The following DLGAP5 variants were observed in gnomAD, a reference collection of about 807,000 sequenced individuals.
DLGAP5 encodes disks large-associated protein 5.
In DLGAP5, 90 loss-of-function variants were observed where a neutral mutation model predicts 99.6. That is an observed-to-expected ratio of 0.90 (90% CI 0.76 to 1.08). The LOEUF (loss-of-function observed/expected upper bound fraction) is 1.08. DLGAP5 is among the 50% of genes least tolerant of loss of function. The pLI, the probability that DLGAP5 is intolerant of heterozygous loss-of-function variation, is 0.00. For missense variants in DLGAP5, 1,036 were observed against 983.5 expected (o/e 1.05, Z -0.71); for synonymous variants, 311 against 321.3 (o/e 0.97, Z 0.34).
intron 10 of DLGAP5, among the ~76,000 whole-genome samples, chr14:55,171,019 T>C (rs544050720): frequency 6.6e-6 from 1 of 152,234 alleles, no homozygotes; most frequent in East Asian, 1.9e-4. Context: ...GGCTGGATAA[T>C]ACCAAGAACC....
chr14:55,168,262 T>C (rs1177180502), intron 12 of DLGAP5, among the ~76,000 whole-genome samples: 3 of 152,222 alleles, frequency 2.0e-5, no homozygotes, highest in Non-Finnish European at 2.9e-5. Context: ...TGAGATTTCC[T>C]TAACTTCATA....
At chr14:55,177,818 G>C (rs959146655) in intron 7 of DLGAP5, among the ~76,000 whole-genome samples, 1 of 151,268 alleles carries the variant, frequency 6.6e-6, no homozygotes, top group Non-Finnish European at 1.5e-5. Context: ...ATTACAGGCG[G>C]GAGCCACCGC....
intron 8 of DLGAP5, among the ~76,000 whole-genome samples, chr14:55,176,477 T>C (rs1360332124): frequency 6.6e-6 from 1 of 152,180 alleles, no homozygotes; most frequent in Non-Finnish European, 1.5e-5. Flanking sequence ...TTTTCTTCTT[T>C]TGAAAAATGT....
chr14:55,178,624 G>T (rs912900912), intron 7 of DLGAP5, among the ~76,000 whole-genome samples: 2 of 152,210 alleles, frequency 1.3e-5, no homozygotes, highest in African/African-American at 4.8e-5. Flanking sequence ...TTAATCTTAA[G>T]GGGGGACCTA....
Position 55,170,775 on chromosome 14 carries a change from C to G in DLGAP5, c.1314G>C (p.Gln438His), listed in dbSNP as rs758769763. The G allele has an allele frequency of 6.2e-7, 1 of 1,613,450 alleles. No homozygotes were observed. The highest frequency in any genetic ancestry group is 1.1e-5 in the South Asian group (1 of 91,052). The change falls in exon 11 of 19, where the codon CAG (glutamine) becomes CAC (histidine). Residue 438 changes from glutamine (Q) to histidine (H), a missense_variant. Transcript: ENST00000247191. ...GTGAAGTTAATTTCTCAGTTTCTGA[C>G]TGGAGGATATTTCTAAAATTATGAC... is the stretch of plus-strand genomic sequence containing the variant. ...HGVPYFRNILQSETEKLTSHC... is the reference protein window; with the variant it reads ...HGVPYFRNILHSETEKLTSHC...
At chr14:55,148,562 A>C (rs1881902584) in intron 18 of DLGAP5, 89 bp from the exon 19 acceptor site, 1 of 1,598,544 alleles carries the variant, frequency 6.3e-7, no homozygotes, top group Non-Finnish European at 8.5e-7. Flanking sequence ...ATTAATTAAT[A>C]ACAAAAATAA....
intron 14 of DLGAP5, among the ~76,000 whole-genome samples, chr14:55,157,298 G>C (rs1027956647): frequency 6.6e-6 from 1 of 152,150 alleles, no homozygotes. Context: ...TAAAAACCAC[G>C]AAGATCCTTG....
intron 15 of DLGAP5, among the ~76,000 whole-genome samples, 158 bp from the exon 16 acceptor site, chr14:55,152,805 G>C (rs1882065175): frequency 6.6e-6 from 1 of 152,216 alleles, no homozygotes; most frequent in Non-Finnish European, 1.5e-5. Context: ...ATTAGTTTTG[G>C]ACTATAGCTA....
chr14:55,148,549 T>C, intron 18 of DLGAP5, 76 bp from the exon 19 acceptor site: 1 of 1,609,378 alleles, frequency 6.2e-7, no homozygotes, highest in Non-Finnish European at 8.5e-7. Context: ...CATTCTATAG[T>C]GGATTAATTA....
At chr14:55,188,822 A>C in intron 2 of DLGAP5, 120 bp downstream of exon 2, 1 of 656,124 alleles carries the variant, frequency 1.5e-6, no homozygotes, top group Non-Finnish European at 2.5e-6. Context: ...CAAAAAGGAA[A>C]GTTATTTATA....
At chr14:55,170,022 C>T (rs977027624) in intron 11 of DLGAP5, among the ~76,000 whole-genome samples, 2 of 152,124 alleles carry the variant, frequency 1.3e-5, no homozygotes, top group African/African-American at 4.8e-5. Flanking sequence ...ATAATCCCAG[C>T]CACTTGGGAG....
intron 18 of DLGAP5, 76 bp downstream of exon 18, chr14:55,150,723 C>T: frequency 8.8e-7 from 1 of 1,133,448 alleles, no homozygotes. Flanking sequence ...AAGCCTTGTA[C>T]ACAAATAGAA....
At chr14:55,166,846 T>C (rs1255606027) in intron 12 of DLGAP5, among the ~76,000 whole-genome samples, 2 of 151,878 alleles carry the variant, frequency 1.3e-5, no homozygotes, top group African/African-American at 4.8e-5. Flanking sequence ...TTTTATCATA[T>C]GTAAATTATA....
At position 55,152,612 on chromosome 14, in the gene DLGAP5, G is replaced by T; in HGVS notation, c.2099C>A (p.Pro700Gln). 1 of 1,601,116 alleles carries T rather than the reference G, an allele frequency of 6.2e-7. No homozygotes were observed. Among genetic ancestry groups the T allele is most frequent in the Admixed American group, 1.7e-5 (1 of 58,996 alleles). The change falls in exon 16 of 19, where the codon CCA becomes CAA. Residue 700 changes from proline (P) to glutamine (Q), a missense_variant. Physicochemically the swap from Pro to Gln is moderately conservative, Grantham distance 76. Transcript: ENST00000247191. ...TACATGATTTTCTTCAATTAAATCT[G>T]GTAATCCAGGACACTGAGCATCTTC... ...SIEDAQCPGLPDLIEENHVVN... is the reference protein window; with the variant it reads ...SIEDAQCPGLQDLIEENHVVN...
At position 55,183,540 on chromosome 14, in the gene DLGAP5, T is replaced by C; in HGVS notation, c.432+20A>G. On this transcript the variant is annotated intron_variant, in intron 3 of 18. Coordinates refer to ENST00000247191, the MANE Select transcript of DLGAP5 (RefSeq NM_014750.5). Reference sequence around the variant, plus strand: ...CCAAATAAAAGAAACTATTCCTTTATATTAAGACACTAAATTTACCTTTTT... The same window carrying C: ...CCAAATAAAAGAAACTATTCCTTTACATTAAGACACTAAATTTACCTTTTT... 6.5e-7 allele frequency: 1 copy of C among 1,528,522 alleles called. No homozygotes were observed. The highest frequency in any genetic ancestry group is 8.7e-7 in the Non-Finnish European group (1 of 1,143,998). The allele number at this position is 1,528,522 out of a possible 1,614,324, so 94.7% of individuals were successfully genotyped here.
chr14:55,152,797 T>A, intron 15 of DLGAP5, 150 bp from the exon 16 acceptor site: 1 of 594,194 alleles, frequency 1.7e-6, no homozygotes, highest in Non-Finnish European at 2.7e-6. Context: ...CCAGATAGAT[T>A]AGTTTTGGAC....
chr14:55,168,286 A>G (rs1488691124), intron 12 of DLGAP5, among the ~76,000 whole-genome samples: 1 of 152,122 alleles, frequency 6.6e-6, no homozygotes, highest in Non-Finnish European at 1.5e-5. Flanking sequence ...TACCTATTGT[A>G]TCTTACATTT....
intron 7 of DLGAP5, among the ~76,000 whole-genome samples, chr14:55,177,571 T>C (rs1883121623): frequency 6.6e-6 from 1 of 151,104 alleles, no homozygotes; most frequent in African/African-American, 2.4e-5. Context: ...GGAGTAGCCC[T>C]CCGTCGCCCA....
chr14:55,188,805 A>T (rs1883511688), intron 2 of DLGAP5, 137 bp downstream of exon 2: 1 of 638,726 alleles, frequency 1.6e-6, no homozygotes, highest in Non-Finnish European at 2.6e-6. Context: ...AAAAAAAGGA[A>T]AAAGACCAAA....
Sources: gnomAD v4.1 joint callset for allele counts (sites outside exome capture counted in the v4.1 genomes callset) on GRCh38, gnomAD v4.1.1 for gene constraint, MANE v1.5 for transcripts, NCBI Gene and HGNC (gene_info 2026-07-23, HGNC 2026-07-21) for gene names.